Variants in VWA8 observed in about 807,000 individuals in gnomAD.
The protein encoded by VWA8 is von Willebrand factor A domain-containing protein 8.
VWA8 carries 221 observed loss-of-function variants against 241.5 expected under a neutral mutation model. The observed-to-expected ratio is 0.91, with a 90% CI of 0.82 to 1.02. The LOEUF is 1.02. Ranked by LOEUF, VWA8 falls within the 50% of genes least tolerant of loss-of-function variation. The probability of loss-of-function intolerance (pLI) is 0.00; values close to 1 mark genes in which losing one functional copy is unlikely to be tolerated. For synonymous variants in VWA8, 852 were observed against 827.1 expected, an observed-to-expected ratio of 1.03 and a Z score of -0.52; for missense variants, 2,322 against 2,328.7, an observed-to-expected ratio of 1.00 and a Z score of 0.06.
intron 9 of VWA8, among the ~76,000 whole-genome samples, chr13:41,869,580 G>A (rs982950380): frequency 7.8e-6 from 1 of 128,868 alleles, no homozygotes; most frequent in East Asian, 2.5e-4. Flanking sequence ...GCAGTGAACT[G>A]AGATTGTGCC....
intron 14 of VWA8, among the ~76,000 whole-genome samples, chr13:41,826,061 T>G (rs1480459266): frequency 4.0e-5 from 6 of 148,728 alleles, no homozygotes; most frequent in African/African-American, 1.2e-4. Flanking sequence ...GAATCTAACC[T>G]ATTATAACCC....
chr13:41,691,100 T>C (rs565173580), intron 32 of VWA8, among the ~76,000 whole-genome samples: 2 of 152,258 alleles, frequency 1.3e-5, no homozygotes, highest in Admixed American at 6.5e-5. Context: ...GAAAAAGTCA[T>C]GATTTTTTAA....
At chr13:41,592,084 A>C (rs986252850) in intron 40 of VWA8, among the ~76,000 whole-genome samples, 8 of 151,524 alleles carry the variant, frequency 5.3e-5, no homozygotes, top group Non-Finnish European at 8.8e-5. Flanking sequence ...CAGCAACGAT[A>C]GACTGGATTA....
chr13:41,895,075 C>T (rs957437903), intron 4 of VWA8, among the ~76,000 whole-genome samples: 2 of 151,298 alleles, frequency 1.3e-5, no homozygotes, highest in African/African-American at 4.9e-5. Context: ...GAAAAGAGAA[C>T]GTATAATTAT....
intron 4 of VWA8, among the ~76,000 whole-genome samples, chr13:41,896,251 A>T (rs555550138): frequency 1.3e-5 from 2 of 152,206 alleles, no homozygotes; most frequent in East Asian, 1.9e-4. Flanking sequence ...TAAGGAAACT[A>T]GTTAATAAAA....
chr13:41,572,970 A>G (rs1045038542), intron 43 of VWA8, among the ~76,000 whole-genome samples: 1 of 151,196 alleles, frequency 6.6e-6, no homozygotes. Context: ...TTAGCTGGGT[A>G]TGGTGACATG....
intron 26 of VWA8, among the ~76,000 whole-genome samples, chr13:41,711,790 T>C (rs897324371): frequency 3.3e-5 from 5 of 151,812 alleles, no homozygotes; most frequent in South Asian, 2.1e-4. Flanking sequence ...AGGAGAATGG[T>C]GTGAACCTGG....
In VWA8 at chr13:41,728,319, TA is replaced by T. The variant is rs2045453448; in HGVS notation, c.2639-1007del. 2.0e-5 allele frequency among the ~76,000 whole-genome samples: 3 copies of T among 151,856 alleles called. No individual in the cohort carries two copies. The South Asian group carries it at 6.2e-4, about 32-fold the overall frequency. ...CAATTAATCAAAACAAAAATGACAA[TA>T]AAAAATGAAAAATTTAAAAAGTAAA... On this transcript the variant is annotated intron_variant, in intron 23 of 44. Coordinates refer to ENST00000379310, the MANE Select transcript of VWA8 (RefSeq NM_015058.2).
At chr13:41,830,125 C>T (rs895118413) in intron 14 of VWA8, among the ~76,000 whole-genome samples, 5 of 151,456 alleles carry the variant, frequency 3.3e-5, no homozygotes, top group South Asian at 2.1e-4. Context: ...CGCCTGTGTT[C>T]CTGGCTACTT....
intron 5 of VWA8, among the ~76,000 whole-genome samples, chr13:41,890,242 C>T (rs1874768353): frequency 6.6e-6 from 1 of 152,222 alleles, no homozygotes; most frequent in Non-Finnish European, 1.5e-5. Flanking sequence ...CTCATATTAG[C>T]ACCCTGGGAG....
chr13:41,732,270 C>G, intron 21 of VWA8, 115 bp from the exon 22 acceptor site: 1 of 835,734 alleles, frequency 1.2e-6, no homozygotes, highest in South Asian at 1.9e-5. Flanking sequence ...CATCCTGCTT[C>G]CCCTTCCCCC....
chr13:41,749,317 C>T (rs2045635508), intron 21 of VWA8, among the ~76,000 whole-genome samples: 1 of 152,196 alleles, frequency 6.6e-6, no homozygotes, highest in South Asian at 2.1e-4. Flanking sequence ...TACCATCTCA[C>T]AGCAGTTAGA....
intron 4 of VWA8, among the ~76,000 whole-genome samples, chr13:41,892,317 C>T (rs1874884634): frequency 6.6e-6 from 1 of 151,948 alleles, no homozygotes. Flanking sequence ...TGTCAAAATC[C>T]TTCATGTTCT....
chr13:41,606,700 T>C (rs957708365), intron 39 of VWA8, among the ~76,000 whole-genome samples: 4 of 152,178 alleles, frequency 2.6e-5, no homozygotes, highest in Non-Finnish European at 5.9e-5. Flanking sequence ...GGTTGAGCAC[T>C]GGGAAAAATC....
chr13:41,956,138 A>C lies in VWA8; in HGVS notation c.163+4715T>G, dbSNP rs547147073. Reference sequence around the variant, plus strand: ...AGCGGCCCTATGAACATTTTGGGCCAGATAATTTTTTGTTGTGAGGGGCTG... The same window carrying C: ...AGCGGCCCTATGAACATTTTGGGCCCGATAATTTTTTGTTGTGAGGGGCTG... On this transcript the variant is annotated intron_variant, in intron 1 of 44. Coordinates refer to ENST00000379310, the MANE Select transcript of VWA8 (RefSeq NM_015058.2). 2.6e-5 allele frequency among the ~76,000 whole-genome samples: 4 copies of C among 152,318 alleles called. No homozygotes were observed. The South Asian group carries it at 8.3e-4, about 32-fold the overall frequency.
chr13:41,727,770 T>C (rs1244629207), intron 23 of VWA8, among the ~76,000 whole-genome samples: 4 of 152,202 alleles, frequency 2.6e-5, no homozygotes, highest in Admixed American at 2.6e-4. Flanking sequence ...GAGTTATTCC[T>C]GTTTAGATCA....
At chr13:41,773,960 T>A (rs1346729184) in intron 20 of VWA8, among the ~76,000 whole-genome samples, 1 of 152,180 alleles carries the variant, frequency 6.6e-6, no homozygotes, top group Non-Finnish European at 1.5e-5. Flanking sequence ...CTTGAGTAGG[T>A]AGTCCCTAGA....
chr13:41,698,683 A>G (rs997749707), intron 29 of VWA8, among the ~76,000 whole-genome samples: 1 of 152,136 alleles, frequency 6.6e-6, no homozygotes, highest in African/African-American at 2.4e-5. Flanking sequence ...CCCCATCTAC[A>G]TCACTCCCTT....
At chr13:41,939,350 A>G (rs574757976) in intron 2 of VWA8, among the ~76,000 whole-genome samples, 125 of 152,348 alleles carry the variant, frequency 8.2e-4, no homozygotes, top group African/African-American at 2.9e-3. Context: ...CTAAGCCTTA[A>G]GATTCCGTTT....
Sources: gnomAD v4.1 joint callset for allele counts (sites outside exome capture counted in the v4.1 genomes callset) on GRCh38, gnomAD v4.1.1 for gene constraint, MANE v1.5 for transcripts, NCBI Gene and HGNC (gene_info 2026-07-23, HGNC 2026-07-21) for gene names.